The following GRID2 variants were observed in gnomAD, a reference collection of about 807,000 sequenced individuals.
GRID2 encodes the protein glutamate receptor ionotropic, delta-2.
In GRID2, 33 loss-of-function variants were observed where a neutral mutation model predicts 114.8. The observed-to-expected ratio is 0.29, with a 90% CI of 0.22 to 0.38. The LOEUF (loss-of-function observed/expected upper bound fraction) is 0.38, where lower values mean the gene tolerates loss of function less well. Among genes scored for constraint, GRID2 ranks in the 10% least tolerant of loss-of-function variants. The pLI, the probability that GRID2 is intolerant of heterozygous loss-of-function variation, is 1.00. For synonymous variants in GRID2, 505 were observed against 449.9 expected, an observed-to-expected ratio of 1.12 and a Z score of -1.55; for missense variants, 1,184 against 1,257.7, an observed-to-expected ratio of 0.94 and a Z score of 0.89.
chr4:93,566,030 G>A (rs1408064661), intron 13 of GRID2, among the ~76,000 whole-genome samples: 2 of 152,252 alleles, frequency 1.3e-5, no homozygotes, highest in East Asian at 1.9e-4. Flanking sequence ...CAGTCATTCA[G>A]GGAACAAGGA....
At chr4:93,706,247 T>A (rs1727986137) in intron 14 of GRID2, among the ~76,000 whole-genome samples, 1 of 152,224 alleles carries the variant, frequency 6.6e-6, no homozygotes. Context: ...AGGGATTGCA[T>A]TGAATTTATA....
At chr4:92,835,282 T>C (rs1240597958) in intron 2 of GRID2, among the ~76,000 whole-genome samples, 2 of 151,708 alleles carry the variant, frequency 1.3e-5, no homozygotes, top group African/African-American at 4.8e-5. Flanking sequence ...AGGAAGATAA[T>C]CTAAGCATTC....
At chr4:93,003,835 A>G (rs1050596896) in intron 2 of GRID2, among the ~76,000 whole-genome samples, 3 of 151,958 alleles carry the variant, frequency 2.0e-5, no homozygotes, top group Admixed American at 1.3e-4. Flanking sequence ...TTCAGCAACT[A>G]GTGGGCCAAG....
In GRID2 at chr4:92,712,202, T is replaced by C. The variant is rs186795061; in HGVS notation, c.244+121916T>C. 2.0e-4 allele frequency among the ~76,000 whole-genome samples: 30 copies of C among 152,330 alleles called. No homozygotes were observed. In the East Asian group the frequency reaches 5.8e-3, roughly 29 times the overall value. ...TTAAATATGCTAAAAAAATGAGTTA[T>C]TCATATTGCTAATTGGTATATGTAT... On this transcript the variant is annotated intron_variant, in intron 2 of 15. Coordinates refer to ENST00000282020, the MANE Select transcript of GRID2 (RefSeq NM_001510.4).
chr4:92,960,625 G>T (rs190449521), intron 2 of GRID2, among the ~76,000 whole-genome samples: 1 of 151,992 alleles, frequency 6.6e-6, no homozygotes, highest in Non-Finnish European at 1.5e-5. Flanking sequence ...TAACTTATAT[G>T]TATTTATATT....
chr4:92,711,247 AT>A (rs1215603423), intron 2 of GRID2, among the ~76,000 whole-genome samples: 1 of 152,198 alleles, frequency 6.6e-6, no homozygotes, highest in African/African-American at 2.4e-5. Context: ...CTTACTGCTT[AT>A]TAAAGTAAGC....
chr4:92,408,629 AT>A (rs142196449), intron 1 of GRID2, among the ~76,000 whole-genome samples: 3 of 147,702 alleles, frequency 2.0e-5, no homozygotes, highest in Admixed American at 1.4e-4. Context: ...ATTTATTATT[AT>A]TTTTTTTTGT....
intron 1 of GRID2, among the ~76,000 whole-genome samples, chr4:92,388,205 A>G (rs1730069717): frequency 6.6e-6 from 1 of 152,076 alleles, no homozygotes; most frequent in Non-Finnish European, 1.5e-5. Flanking sequence ...CAGAAGAAAG[A>G]AAAAGACAAT....
At position 92,898,626 on chromosome 4, in the gene GRID2, G is replaced by A. The variant is rs116024506; in HGVS notation, c.245-186369G>A. ...CAGAAGAGGAGAGAAAAAGGAGAGAGCCTTCAAAAGTTTGGGTAGTTCAGA... is the reference window on the plus strand; with the variant it reads ...CAGAAGAGGAGAGAAAAAGGAGAGAACCTTCAAAAGTTTGGGTAGTTCAGA... On this transcript the variant is annotated intron_variant, in intron 2 of 15. Coordinates refer to ENST00000282020, the MANE Select transcript of GRID2 (RefSeq NM_001510.4). 2.7e-3 allele frequency among the ~76,000 whole-genome samples: 416 copies of A among 152,244 alleles called. 4 individuals carry two copies. The highest frequency in any genetic ancestry group is 9.7e-3 in the African/African-American group (404 of 41,558).
In GRID2 at chr4:93,632,298, A is replaced by G. The variant is rs188773839; in HGVS notation, c.2360+5863A>G. 2.2e-4 allele frequency among the ~76,000 whole-genome samples: 33 copies of G among 152,338 alleles called. No individual in the cohort carries two copies. The East Asian group carries it at 6.0e-3, about 28-fold the overall frequency. The stretch of plus-strand genomic sequence containing the variant: ...AGATATGAAGTCCTTGCCCAGGCCT[A>G]CGTCCTGAATGGTATTGCCTAGGTT... On this transcript the variant is annotated intron_variant, in intron 14 of 15. Coordinates refer to ENST00000282020, the MANE Select transcript of GRID2 (RefSeq NM_001510.4).
chr4:93,076,686 C>T lies in GRID2; in HGVS notation c.245-8309C>T, dbSNP rs377645263. Among the ~76,000 whole-genome samples the T allele has an allele frequency of 2.1e-4, 30 of 143,688 alleles. No individual in the cohort carries two copies. In the East Asian group the frequency reaches 4.9e-3, roughly 23 times the overall value. 94.3% of individuals were successfully genotyped at this position (143,688 alleles called of 152,430 possible). ...AGGCTGGAGTGCAATGGCGCAATCT[C>T]GGTTCACTGCAACCTCAGCCTCCCG... On this transcript the variant is annotated intron_variant, in intron 2 of 15. Coordinates refer to ENST00000282020, the MANE Select transcript of GRID2 (RefSeq NM_001510.4).
At chr4:93,264,045 G>T (rs909837803) in intron 8 of GRID2, among the ~76,000 whole-genome samples, 1 of 152,062 alleles carries the variant, frequency 6.6e-6, no homozygotes, top group African/African-American at 2.4e-5. Context: ...CTTGTCTTTT[G>T]CAATGCTATT....
At chr4:93,780,812 C>A (rs1404303138) in intron 1 of GRID2, among the ~76,000 whole-genome samples, 2 of 152,106 alleles carry the variant, frequency 1.3e-5, no homozygotes, top group Non-Finnish European at 2.9e-5. Context: ...GAGAAACAGG[C>A]TCTTAAAGGG....
intron 12 of GRID2, among the ~76,000 whole-genome samples, chr4:93,505,345 T>C (rs1205574583): frequency 6.6e-6 from 1 of 152,034 alleles, no homozygotes; most frequent in Non-Finnish European, 1.5e-5. Flanking sequence ...TATTTGAAGA[T>C]ATCATCTTAA....
intron 5 of GRID2, among the ~76,000 whole-genome samples, chr4:93,216,460 A>G (rs1405697493): frequency 6.6e-6 from 1 of 152,190 alleles, no homozygotes; most frequent in Non-Finnish European, 1.5e-5. Flanking sequence ...TCAACATTAT[A>G]AATTATAAAC....
At chr4:93,765,524 G>C (rs1348322046) in intron 14 of GRID2, among the ~76,000 whole-genome samples, 1 of 151,188 alleles carries the variant, frequency 6.6e-6, no homozygotes, top group Non-Finnish European at 1.5e-5. Context: ...CGCTCAGCTG[G>C]CTGAACCTAA....
intron 14 of GRID2, among the ~76,000 whole-genome samples, chr4:93,658,158 T>G (rs902563134): frequency 2.0e-5 from 3 of 152,172 alleles, no homozygotes; most frequent in African/African-American, 7.2e-5. Context: ...TAATCAATCT[T>G]AGAGCATAAA....
At chr4:92,868,024 CTT>C in intron 2 of GRID2, among the ~76,000 whole-genome samples, 1 of 58,088 alleles carries the variant, frequency 1.7e-5, no homozygotes, top group Non-Finnish European at 4.4e-5. Flanking sequence ...GGTTTTCTTT[CTT>C]TCTTTCTTTC....
chr4:93,274,980 CAA>C (rs1215544130), intron 8 of GRID2, among the ~76,000 whole-genome samples: 1 of 151,892 alleles, frequency 6.6e-6, no homozygotes, highest in Admixed American at 6.6e-5. Flanking sequence ...AATATATCCA[CAA>C]AGTTATTCAA....
Sources: allele counts gnomAD v4.1 joint callset (sites outside exome capture counted in the v4.1 genomes callset), GRCh38; gene constraint gnomAD v4.1.1; transcripts MANE v1.5; gene names NCBI Gene and HGNC (gene_info 2026-07-23, HGNC 2026-07-21).